The following KCNH5 variants were observed in gnomAD, a reference collection of about 807,000 sequenced individuals.
KCNH5 encodes voltage-gated delayed rectifier potassium channel KCNH5.
In KCNH5, 46 loss-of-function variants were observed where a neutral mutation model predicts 96.1. The observed-to-expected ratio is 0.48, with a 90% CI of 0.38 to 0.61. The LOEUF (loss-of-function observed/expected upper bound fraction) is 0.61. Ranked by LOEUF, KCNH5 falls within the 20% of genes least tolerant of loss-of-function variation. The pLI is 0.00. For synonymous variants in KCNH5, 439 were observed against 449.8 expected, an observed-to-expected ratio of 0.98 and a Z score of 0.30; for missense variants, 907 against 1,225.8, an observed-to-expected ratio of 0.74 and a Z score of 3.88.
Position 63,035,311 on chromosome 14 carries a change from C to T in KCNH5, c.73+9803G>A, listed in dbSNP as rs113797476. Among the ~76,000 whole-genome samples the T allele has an allele frequency of 1.8e-3, 277 of 152,210 alleles. 1 individual carries two copies. The highest frequency in any genetic ancestry group is 6.5e-3 in the African/African-American group (268 of 41,532). ...TAATGGCAAGATAAATGATGAAAAA[C>T]TTCAATTAAAAAGCTGGTCCAACCT... is the stretch of plus-strand genomic sequence containing the variant. On this transcript the variant is annotated intron_variant, in intron 1 of 10. Transcript: ENST00000322893.
chr14:62,987,443 C>G (rs554925750), intron 4 of KCNH5, among the ~76,000 whole-genome samples: 1 of 152,192 alleles, frequency 6.6e-6, no homozygotes, highest in Non-Finnish European at 1.5e-5. Context: ...GCCAATGCAA[C>G]TAGCTATCCA....
chr14:62,757,661 G>A (rs1358148574), intron 10 of KCNH5, among the ~76,000 whole-genome samples: 1 of 151,620 alleles, frequency 6.6e-6, no homozygotes, highest in Non-Finnish European at 1.5e-5. Flanking sequence ...CAACAACATG[G>A]ATAGAAGAGG....
intron 3 of KCNH5, among the ~76,000 whole-genome samples, 194 bp downstream of exon 3, chr14:63,006,171 TC>T (rs1891121417): frequency 6.6e-6 from 1 of 152,180 alleles, no homozygotes; most frequent in South Asian, 2.1e-4. Flanking sequence ...TTTCTTCCAT[TC>T]CTCAAAAGGT....
At chr14:62,830,054 C>G (rs915423714) in intron 8 of KCNH5, among the ~76,000 whole-genome samples, 8 of 152,184 alleles carry the variant, frequency 5.3e-5, no homozygotes, top group African/African-American at 1.9e-4. Flanking sequence ...TTCCATACAT[C>G]TCTAGGGCAG....
At chr14:62,902,754 C>CT (rs1888953189) in intron 7 of KCNH5, among the ~76,000 whole-genome samples, 1 of 150,226 alleles carries the variant, frequency 6.7e-6, no homozygotes, top group Non-Finnish European at 1.5e-5. Flanking sequence ...GAGCCTCACT[C>CT]TGTCATGCGG....
At chr14:62,815,219 T>C (rs1337599653) in intron 8 of KCNH5, among the ~76,000 whole-genome samples, 2 of 152,164 alleles carry the variant, frequency 1.3e-5, no homozygotes, top group Non-Finnish European at 2.9e-5. Flanking sequence ...TATATAAAGT[T>C]CATAAATGCA....
chr14:62,719,727 T>C (rs1156819135), intron 10 of KCNH5, among the ~76,000 whole-genome samples: 2 of 152,246 alleles, frequency 1.3e-5, no homozygotes, highest in Non-Finnish European at 2.9e-5. Flanking sequence ...GACTTAGCTA[T>C]TGTTACAGGC....
At chr14:63,031,067 A>G (rs1891616309) in intron 1 of KCNH5, among the ~76,000 whole-genome samples, 1 of 151,864 alleles carries the variant, frequency 6.6e-6, no homozygotes, top group Non-Finnish European at 1.5e-5. Context: ...TCTTTTAGGG[A>G]TGGGAAAACA....
rs113295191 is a variant in KCNH5, at chr14:63,008,729, C to T, written c.198-2257G>A. 2.0e-3 allele frequency among the ~76,000 whole-genome samples: 301 copies of T among 152,210 alleles called. 3 individuals carry two copies. The highest frequency in any genetic ancestry group is 7.1e-3 in the African/African-American group (295 of 41,562). ...GACTAACACAGGAAACCTCAAAGCACACCTGCAAGCTGGCACTGAAAAGCC... is the reference window on the plus strand; with the variant it reads ...GACTAACACAGGAAACCTCAAAGCATACCTGCAAGCTGGCACTGAAAAGCC... On this transcript the variant is annotated intron_variant, in intron 2 of 10. Coordinates refer to ENST00000322893, the MANE Select transcript of KCNH5 (RefSeq NM_139318.5).
At chr14:62,855,834 C>G (rs1026954507) in intron 7 of KCNH5, among the ~76,000 whole-genome samples, 1 of 152,160 alleles carries the variant, frequency 6.6e-6, no homozygotes, top group Non-Finnish European at 1.5e-5. Flanking sequence ...TCACAGACAT[C>G]ACTATTCATT....
At chr14:62,903,858 A>G (rs1326768224) in intron 7 of KCNH5, among the ~76,000 whole-genome samples, 1 of 152,074 alleles carries the variant, frequency 6.6e-6, no homozygotes, top group Non-Finnish European at 1.5e-5. Flanking sequence ...TACAGTTTTA[A>G]TACTAAAAAG....
At chr14:62,723,253 A>T (rs1884854217) in intron 10 of KCNH5, among the ~76,000 whole-genome samples, 1 of 152,186 alleles carries the variant, frequency 6.6e-6, no homozygotes, top group Non-Finnish European at 1.5e-5. Flanking sequence ...GAATAATGTA[A>T]TTTTCACTTA....
chr14:63,006,941 C>T (rs996820585), intron 2 of KCNH5, among the ~76,000 whole-genome samples: 1 of 152,170 alleles, frequency 6.6e-6, no homozygotes, highest in Non-Finnish European at 1.5e-5. Flanking sequence ...GTGATAAACC[C>T]ATATGACATT....
intron 7 of KCNH5, among the ~76,000 whole-genome samples, chr14:62,934,542 G>A (rs1244489672): frequency 1.3e-5 from 2 of 152,114 alleles, no homozygotes; most frequent in Non-Finnish European, 2.9e-5. Flanking sequence ...CAGCATGATC[G>A]AGGATGAGGG....
At chr14:62,929,767 G>A (rs894859846) in intron 7 of KCNH5, among the ~76,000 whole-genome samples, 6 of 151,926 alleles carry the variant, frequency 3.9e-5, no homozygotes, top group Admixed American at 1.3e-4. Flanking sequence ...AGTGAGCATA[G>A]TATCCAATAT....
At chr14:62,975,734 C>A (rs548868518) in intron 6 of KCNH5, among the ~76,000 whole-genome samples, 4 of 151,922 alleles carry the variant, frequency 2.6e-5, no homozygotes, top group African/African-American at 9.7e-5. Context: ...AATCCAAAAC[C>A]TGGAAAAACA....
chr14:62,743,390 G>A (rs555469909), intron 10 of KCNH5, among the ~76,000 whole-genome samples: 3 of 152,310 alleles, frequency 2.0e-5, no homozygotes, highest in Non-Finnish European at 4.4e-5. Context: ...TCACCTGGGG[G>A]TATCGACGTA....
At chr14:62,724,866 T>G (rs1213518708) in intron 10 of KCNH5, among the ~76,000 whole-genome samples, 1 of 152,144 alleles carries the variant, frequency 6.6e-6, no homozygotes, top group Non-Finnish European at 1.5e-5. Flanking sequence ...ACTTAGAATT[T>G]GAAACAAAAA....
At chr14:63,018,958 G>A (rs1891377978) in intron 1 of KCNH5, among the ~76,000 whole-genome samples, 1 of 151,920 alleles carries the variant, frequency 6.6e-6, no homozygotes, top group South Asian at 2.1e-4. Flanking sequence ...TGGTTTAACA[G>A]CAGATTGGAC....
Sources: gnomAD v4.1 joint callset for allele counts (sites outside exome capture counted in the v4.1 genomes callset) on GRCh38, gnomAD v4.1.1 for gene constraint, MANE v1.5 for transcripts, NCBI Gene and HGNC (gene_info 2026-07-23, HGNC 2026-07-21) for gene names.